The following C17orf58 variants were observed in gnomAD, a reference collection of about 807,000 sequenced individuals.
The protein encoded by C17orf58 is UPF0450 protein C17orf58.
Under a neutral mutation model 7.4 loss-of-function variants are expected in C17orf58, and 5 were observed. The ratio of observed to expected loss-of-function variants is 0.67; its 90% CI spans 0.35 to 1.42. The LOEUF is 1.42. Ranked by LOEUF, C17orf58 falls within the 40% of genes most tolerant of loss-of-function variation. C17orf58 has a pLI of 0.04. For missense variants in C17orf58, 162 were observed against 174.2 expected, an observed-to-expected ratio of 0.93 and a Z score of 0.40; for synonymous variants, 60 against 70.6, an observed-to-expected ratio of 0.85 and a Z score of 0.75.
At position 67,995,173 on chromosome 17, in the gene C17orf58, T is replaced by G. The variant is rs551432513; in HGVS notation, c.76+950A>C. Among the ~76,000 whole-genome samples, 9 of 152,352 alleles carry G rather than the reference T, an allele frequency of 5.9e-5. No individual in the cohort carries two copies. The South Asian group carries it at 1.9e-3, about 32-fold the overall frequency. ...GTCTTGCCAAATCGATAATCTGCTT[T>G]AAAATCAGCTTTCACCCAGCAATAA... On this transcript the variant is annotated intron_variant, in intron 1 of 3. Transcript: ENST00000580729.
At position 67,993,521 on chromosome 17, in the gene C17orf58, G is replaced by T. The variant is rs1464978023; in HGVS notation, c.540C>A (p.Ser180Arg). Residue 180 changes from serine to arginine, a missense_variant, in exon 2 of 4, where the codon AGC becomes AGA. Ser to Arg is a moderately radical substitution (Grantham distance 110, BLOSUM62 -1). Coordinates refer to ENST00000580729, the MANE Select transcript of C17orf58 (RefSeq NM_001382359.1). The surrounding 1 kb of genome is among the most constrained non-coding windows in gnomAD (Gnocchi z 5.1). ...CGGGCTCCGCGTCCCTCTGCGGCGG[G>T]CTGAGGCCGAAGCTGAGGCTGAAGC... ...PPRFSLSFGL[S>R]PPQRDAEPGA... The T allele has an allele frequency of 5.2e-6, 2 of 381,848 alleles. No homozygotes were observed. Among genetic ancestry groups the T allele is most frequent in the African/African-American group, 4.2e-5 (2 of 47,710 alleles). 23.7% of individuals were successfully genotyped at this position (381,848 alleles called of 1,614,324 possible). A position where few individuals can be genotyped will look rare whatever the true frequency, so the allele number is the denominator to read the frequency against.
Position 67,993,397 on chromosome 17 carries a change from G to GGGCGGCGGCGC in C17orf58, c.637+16_637+26dup. ...GCTCGGAAAGGCTCGCGGGGCGGCG[G>GGGCGGCGGCGC]GGCGGCGGCGCGGCGGCCGGGCTCA... On this transcript the variant is annotated intron_variant, in intron 2 of 3. Transcript: ENST00000580729. This position sits in a 1 kb window ranked among gnomAD's most constrained non-coding sequence, Gnocchi z 5.1. The GGGCGGCGGCGC allele has an allele frequency of 1.7e-6, 1 of 579,200 alleles. No homozygotes were observed. The highest frequency in any genetic ancestry group is 3.0e-6 in the Non-Finnish European group (1 of 330,126). The allele number at this position is 579,200 out of a possible 1,614,324, so 35.9% of individuals were successfully genotyped here. A position where few individuals can be genotyped will look rare whatever the true frequency, so the allele number is the denominator to read the frequency against.
intron 1 of C17orf58, among the ~76,000 whole-genome samples, chr17:67,995,071 A>T (rs1340433856): frequency 1.3e-5 from 2 of 151,800 alleles, no homozygotes; most frequent in Non-Finnish European, 2.9e-5. Flanking sequence ...ACTAGCCTTT[A>T]TTTTTCTCTC....
intron 1 of C17orf58, among the ~76,000 whole-genome samples, chr17:67,994,536 A>ATATATATATATATATATATATATAT (rs1555699626): frequency 6.3e-5 from 5 of 79,724 alleles, no homozygotes; most frequent in Admixed American, 1.3e-4. Context: ...ATATATATAT[A>ATATATATATATATATATATATATAT]AAACATATAT....
rs571975779 is a variant in C17orf58 at position 67,996,229 on chromosome 17, G to T, written c.-31C>A. On this transcript the variant is annotated 5_prime_UTR_variant, in exon 1 of 4. Transcript: ENST00000580729. ...CAGACAGGGTTCCCAGGCTCTAAAA[G>T]TGAGCCTGGTCTTTTGCTTGCTTTC... is the stretch of plus-strand genomic sequence containing the variant. 1.3e-5 allele frequency: 5 copies of T among 399,002 alleles called. No individual in the cohort carries two copies. The South Asian group carries it at 5.1e-4, about 41-fold the overall frequency. 24.7% of individuals were successfully genotyped at this position (399,002 alleles called of 1,614,324 possible).
chr17:67,994,513 T>C lies in C17orf58; in HGVS notation c.77-529A>G, dbSNP rs201120861. On this transcript the variant is annotated intron_variant, in intron 1 of 3. Transcript: ENST00000580729. Reference sequence around the variant, plus strand: ...GTGTGCGTGTGTGTGTGTGTGTGTGTGTGTATATATATATATATATATAAA... The same window carrying C: ...GTGTGCGTGTGTGTGTGTGTGTGTGCGTGTATATATATATATATATATAAA... Among the ~76,000 whole-genome samples, 298 of 62,114 alleles carry C rather than the reference T, an allele frequency of 4.8e-3. 8 individuals are homozygous for C. In the East Asian group the frequency reaches 0.16, roughly 34 times the overall value. The allele number at this position is 62,114 out of a possible 152,430, so 40.7% of individuals were successfully genotyped here. A position where few individuals can be genotyped will look rare whatever the true frequency, so the allele number is the denominator to read the frequency against.
chr17:67,994,845 G>A (rs568356211), intron 1 of C17orf58, among the ~76,000 whole-genome samples: 1 of 151,816 alleles, frequency 6.6e-6, no homozygotes, highest in Non-Finnish European at 1.5e-5. Flanking sequence ...AGCACACGTC[G>A]CTTACATTTT....
At chr17:67,992,251 G>GA (rs1446327060) in intron 3 of C17orf58, 148 bp from the exon 4 acceptor site, 2 of 684,252 alleles carry the variant, frequency 2.9e-6, no homozygotes, top group Admixed American at 7.2e-5. Flanking sequence ...GCATCTGGTG[G>GA]AAACAGCCTA....
At position 67,993,198 on chromosome 17, in the gene C17orf58, G is replaced by A. The variant is rs1447513587; in HGVS notation, c.675C>T (p.Gly225=). ...NGIVHDVDVL[G]AGIRLVTLLV... ...GCAGGGTCACCAGCCGGATGCCCGCGCCCAGCACGTCCACATCGTGCACGA... is the reference window on the plus strand; with the variant it reads ...GCAGGGTCACCAGCCGGATGCCCGCACCCAGCACGTCCACATCGTGCACGA... The change falls in exon 3 of 4, where the codon GGC becomes GGT. Residue 225 remains glycine (G), a synonymous_variant. Transcript: ENST00000580729. This position sits in a 1 kb window ranked among gnomAD's most constrained non-coding sequence, Gnocchi z 5.1. 5 of 1,609,216 alleles carry A rather than the reference G, an allele frequency of 3.1e-6. No individual in the cohort carries two copies. The African/African-American group carries it at 4.0e-5, about 13-fold the overall frequency.
rs1465193185 is a variant in C17orf58, at chr17:67,992,050, T to G, written c.883A>C (p.Thr295Pro). Reference protein sequence around the residue: ...HIYHKRRQLPTALLQVLRGRL... With the variant: ...HIYHKRRQLPPALLQVLRGRL... ...CCTCTCAGGACCTGGAGCAGAGCTG[T>G]AGGGAGCTGCCGTCTCTTATGGTAG... The change falls in exon 4 of 4, where the codon ACA (threonine) becomes CCA (proline). Residue 295 changes from threonine (T) to proline (P), a missense_variant. Physicochemically the swap from Thr to Pro is conservative, Grantham distance 38. Around this residue, in one of 3 missense-constraint regions of C17orf58, gnomAD observed 65 missense variants for 66.4 expected, o/e 0.98. Coordinates refer to ENST00000580729, the MANE Select transcript of C17orf58 (RefSeq NM_001382359.1). 6.2e-7 allele frequency: 1 copy of G among 1,610,952 alleles called. No homozygotes were observed. The highest frequency in any genetic ancestry group is 8.5e-7 in the Non-Finnish European group (1 of 1,178,764).
rs368917203 is a variant in C17orf58, at chr17:67,993,164, G to C, written c.709C>G (p.Arg237Gly). 2.5e-6 allele frequency: 4 copies of C among 1,613,334 alleles called. No homozygotes were observed. The change falls in exon 3 of 4, where the codon CGG becomes GGG. Residue 237 changes from arginine (R) to glycine (G), a missense_variant. Around this residue, in one of 3 missense-constraint regions of C17orf58, gnomAD observed 93 missense variants for 90.4 expected, o/e 1.03. Coordinates refer to ENST00000580729, the MANE Select transcript of C17orf58 (RefSeq NM_001382359.1). This position sits in a 1 kb window ranked among gnomAD's most constrained non-coding sequence, Gnocchi z 5.1. ...GIRLVTLLVD[R>G]DGLYKMNRLY... ...CGGTTCATCTTGTACAGCCCGTCCC[G>C]ATCCACCAGCAGGGTCACCAGCCGG...
At position 67,994,524 on chromosome 17, in the gene C17orf58, A is replaced by ATG. The variant is rs1568262042; in HGVS notation, c.77-541_77-540insCA. On this transcript the variant is annotated intron_variant, in intron 1 of 3. Coordinates refer to ENST00000580729, the MANE Select transcript of C17orf58 (RefSeq NM_001382359.1). ...TGTGTGTGTGTGTGTGTGTATATAT[A>ATG]TATATATATATAAAACATATATAAA... Among the ~76,000 whole-genome samples, 13 of 120,990 alleles carry ATG rather than the reference A, an allele frequency of 1.1e-4. 1 individual carries two copies. The highest frequency in any genetic ancestry group is 3.4e-4 in the Admixed American group (4 of 11,610). The allele number at this position is 120,990 out of a possible 152,430, so 79.4% of individuals were successfully genotyped here.
chr17:67,994,261 C>T (rs1189759959), intron 1 of C17orf58, among the ~76,000 whole-genome samples: 1 of 151,610 alleles, frequency 6.6e-6, no homozygotes, highest in East Asian at 2.0e-4. Flanking sequence ...GCCCGGAGGC[C>T]TGGAAGTGAA....
In C17orf58 at chr17:67,993,567, G is replaced by A. The variant is rs1184250914; in HGVS notation, c.494C>T (p.Pro165Leu). ...GAAGCGCGGCGGCGGCGCGGGCGCG[G>A]GTCCCGGGGCCAGCGCGGCGGCGCG... is the stretch of plus-strand genomic sequence containing the variant. The part of the protein sequence containing the change: ...RPRAAALAPG[P>L]APAPPPRFSL... Residue 165 changes from proline (P) to leucine (L), a missense_variant, in exon 2 of 4, where the codon CCC (proline) becomes CTC (leucine). This residue lies in a region of C17orf58 where 93 missense variants were observed against 90.4 expected (regional missense o/e 1.03). Coordinates refer to ENST00000580729, the MANE Select transcript of C17orf58 (RefSeq NM_001382359.1). This position sits in a 1 kb window ranked among gnomAD's most constrained non-coding sequence, Gnocchi z 5.1. The A allele has an allele frequency of 3.8e-5, 10 of 260,116 alleles. No individual in the cohort carries two copies. The highest frequency in any genetic ancestry group is 6.5e-5 in the Non-Finnish European group (9 of 139,262). 16.1% of individuals were successfully genotyped at this position (260,116 alleles called of 1,614,324 possible). A position where few individuals can be genotyped will look rare whatever the true frequency, so the allele number is the denominator to read the frequency against.
In C17orf58 at chr17:67,992,011, C is replaced by A; in HGVS notation, c.922G>T (p.Gly308Trp). The change falls in exon 4 of 4, where the codon GGG (glycine) becomes TGG (tryptophan). Residue 308 changes from glycine (G) to tryptophan (W), a missense_variant. Transcript: ENST00000580729. ...LQVLRGRLRPGDGLLRSSSSY... is the reference protein window; with the variant it reads ...LQVLRGRLRPWDGLLRSSSSY... ...CTGCTGCTCCTTAGCAGTCCATCCC[C>A]TGGACGGAGGCGGCCTCTCAGGACC... is the stretch of plus-strand genomic sequence containing the variant. 6.2e-7 allele frequency: 1 copy of A among 1,613,176 alleles called. No homozygotes were observed. The highest frequency in any genetic ancestry group is 8.5e-7 in the Non-Finnish European group (1 of 1,179,586).
rs1347777640 is a variant in C17orf58, at chr17:67,993,857, G to A, written c.204C>T (p.Ala68=). 4 of 346,456 alleles carry A rather than the reference G, an allele frequency of 1.2e-5. No individual in the cohort carries two copies. Among genetic ancestry groups the A allele is most frequent in the Admixed American group, 4.8e-5 (1 of 20,702 alleles). 21.5% of individuals were successfully genotyped at this position (346,456 alleles called of 1,614,324 possible). ...QRPRAAEVAP[A]ARAWPDPRRR... ...GGCGCGGGTCAGGCCAGGCGCGGGC[G>A]GCGGGAGCGACCTCGGCCGCGCGCG... Residue 68 remains alanine (A), a synonymous_variant, in exon 2 of 4, where the codon GCC becomes GCT. Transcript: ENST00000580729. The surrounding 1 kb of genome is among the most constrained non-coding windows in gnomAD (Gnocchi z 5.1).
intron 1 of C17orf58, 114 bp downstream of exon 1, chr17:67,996,009 T>C (rs2070888775): frequency 2.5e-6 from 1 of 398,070 alleles, no homozygotes; most frequent in Non-Finnish European, 4.4e-6. Context: ...CGGGGTGTCC[T>C]CTCTTGCGAG....
chr17:67,992,825 G>A, intron 3 of C17orf58: 1 of 1,511,988 alleles, frequency 6.6e-7, no homozygotes, highest in Non-Finnish European at 8.9e-7. Flanking sequence ...AGCCCGCTTT[G>A]TGCCAACCCT....
rs2070855408 is a variant in C17orf58 at position 67,993,262 on chromosome 17, G to C, written c.638-27C>G. On this transcript the variant is annotated intron_variant, in intron 2 of 3. Coordinates refer to ENST00000580729, the MANE Select transcript of C17orf58 (RefSeq NM_001382359.1). The surrounding 1 kb of genome is among the most constrained non-coding windows in gnomAD (Gnocchi z 5.1). ...TGCTTCCGAAAAACAGTTTGGAGAA[G>C]AGCATTACCCCGAGTTCCTCTCCCA... 4.3e-6 allele frequency: 6 copies of C among 1,396,032 alleles called. No individual in the cohort carries two copies. The South Asian group carries it at 5.2e-5, about 12-fold the overall frequency. The allele number at this position is 1,396,032 out of a possible 1,614,324, so 86.5% of individuals were successfully genotyped here. A position where few individuals can be genotyped will look rare whatever the true frequency, so the allele number is the denominator to read the frequency against.
Sources: gnomAD v4.1 joint callset for allele counts (sites outside exome capture counted in the v4.1 genomes callset) on GRCh38, gnomAD v4.1.1 for gene constraint, gnomAD v4.1.1 regional missense constraint, Gnocchi (gnomAD v3.1) non-coding constraint, MANE v1.5 for transcripts, NCBI Gene and HGNC (gene_info 2026-07-23, HGNC 2026-07-21) for gene names.